The following EVI5 variants were observed in gnomAD, a reference collection of about 807,000 sequenced individuals.
EVI5 encodes the protein ecotropic viral integration site 5 protein homolog.
In EVI5, 73 loss-of-function variants were observed where a neutral mutation model predicts 112.0. The observed-to-expected ratio is 0.65, with a 90% confidence interval of 0.54 to 0.79. EVI5 has a LOEUF of 0.79. Ranked by LOEUF, EVI5 falls within the 30% of genes least tolerant of loss-of-function variation. EVI5 has a pLI of 0.00. For missense variants in EVI5, 900 were observed against 968.8 expected (o/e 0.93, Z 0.94); for synonymous variants, 305 against 319.9 (o/e 0.95, Z 0.50).
rs934927624 is a variant in EVI5 at position 92,778,739 on chromosome 1, T to C, written c.-82+6097A>G. Among the ~76,000 whole-genome samples, 14 of 152,306 alleles carry C rather than the reference T, an allele frequency of 9.2e-5. 1 individual carries two copies. Among genetic ancestry groups the C allele is most frequent in the Admixed American group, 3.9e-4 (6 of 15,290 alleles). The stretch of plus-strand genomic sequence containing the variant: ...AAATACTGGTGCTAATCTTCGGAGA[T>C]AGAAATCAGAATAGTGGTCACCTCT... On this transcript the variant is annotated intron_variant, in intron 1 of 19. Transcript: ENST00000684568.
chr1:92,601,879 T>C (rs1333643439), intron 18 of EVI5, among the ~76,000 whole-genome samples: 1 of 152,224 alleles, frequency 6.6e-6, no homozygotes, highest in Non-Finnish European at 1.5e-5. Flanking sequence ...TACTATTTTG[T>C]GATTAAGATG....
At chr1:92,553,297 A>G (rs1391672312) in intron 19 of EVI5, among the ~76,000 whole-genome samples, 1 of 74,214 alleles carries the variant, frequency 1.3e-5, no homozygotes, top group Non-Finnish European at 2.4e-5. Flanking sequence ...CACCTGGCCA[A>G]TTTTTTTTTT....
chr1:92,762,450 T>C (rs1238340937), intron 1 of EVI5, among the ~76,000 whole-genome samples: 1 of 152,214 alleles, frequency 6.6e-6, no homozygotes, highest in East Asian at 1.9e-4. Flanking sequence ...TTACCCAAGA[T>C]CCCTTAGCTA....
chr1:92,663,975 T>C (rs1019489119), intron 11 of EVI5, among the ~76,000 whole-genome samples: 1 of 152,244 alleles, frequency 6.6e-6, no homozygotes, highest in East Asian at 1.9e-4. Context: ...CTTGAACTCC[T>C]GGCCTTACGC....
intron 19 of EVI5, among the ~76,000 whole-genome samples, chr1:92,535,751 G>T (rs1228094946): frequency 6.6e-6 from 1 of 152,034 alleles, no homozygotes; most frequent in African/African-American, 2.4e-5. Context: ...ACACACCGGG[G>T]CCTGTCGTGG....
At chr1:92,683,249 C>T (rs757739429) in intron 9 of EVI5, among the ~76,000 whole-genome samples, 5 of 152,136 alleles carry the variant, frequency 3.3e-5, no homozygotes, top group African/African-American at 7.2e-5. Flanking sequence ...CTGCAGTCTC[C>T]GCTGATGATA....
intron 12 of EVI5, 100 bp downstream of exon 12, chr1:92,663,320 G>A (rs1308628463): frequency 1.9e-6 from 1 of 524,904 alleles, no homozygotes; most frequent in Non-Finnish European, 3.2e-6. Context: ...AAAAACGCAT[G>A]TAAAATTGCA....
chr1:92,626,531 G>C (rs2101800018), intron 14 of EVI5, among the ~76,000 whole-genome samples: 1 of 152,252 alleles, frequency 6.6e-6, no homozygotes, highest in Non-Finnish European at 1.5e-5. Flanking sequence ...ATGTTCTTAA[G>C]ATATACTTAG....
At chr1:92,555,237 T>A (rs1667501365) in intron 19 of EVI5, among the ~76,000 whole-genome samples, 1 of 152,186 alleles carries the variant, frequency 6.6e-6, no homozygotes, top group Admixed American at 6.5e-5. Context: ...AAGGGAATAA[T>A]TTCTTTTATT....
chr1:92,760,584 A>C (rs1013017632), intron 1 of EVI5, among the ~76,000 whole-genome samples: 3 of 152,016 alleles, frequency 2.0e-5, no homozygotes, highest in Non-Finnish European at 4.4e-5. Context: ...ATACAAAAAA[A>C]TTAGCTGGGT....
intron 1 of EVI5, among the ~76,000 whole-genome samples, chr1:92,774,854 C>G (rs898216213): frequency 2.0e-5 from 3 of 152,092 alleles, no homozygotes; most frequent in Admixed American, 2.0e-4. Flanking sequence ...AAGTAAACAG[C>G]TAAAAATGCA....
In EVI5 at chr1:92,731,517, A is replaced by G. The variant is rs115954500; in HGVS notation, c.149+4881T>C. On this transcript the variant is annotated intron_variant, in intron 2 of 19. Transcript: ENST00000684568. The stretch of plus-strand genomic sequence containing the variant: ...TTAGAGATTTAATGCAATCCCAACC[A>G]AAATTTCAGCAGGCGTTTTTGTAGA... Among the ~76,000 whole-genome samples, 707 of 152,326 alleles carry G rather than the reference A, an allele frequency of 4.6e-3. 3 individuals carry two copies. Among genetic ancestry groups the G allele is most frequent in the African/African-American group, 0.016 (686 of 41,576 alleles).
At position 92,785,052 on chromosome 1, in the gene EVI5, T is replaced by C. The variant is rs867409670; in HGVS notation, c.-298A>G. The C allele has an allele frequency of 4.7e-5, 46 of 985,376 alleles. No homozygotes were observed. The Middle Eastern group carries it at 5.2e-3, about 112-fold the overall frequency. The allele number at this position is 985,376 out of a possible 1,614,324, so 61.0% of individuals were successfully genotyped here. A position where few individuals can be genotyped will look rare whatever the true frequency, so the allele number is the denominator to read the frequency against. On this transcript the variant is annotated 5_prime_UTR_variant, in exon 1 of 20. Transcript: ENST00000684568. Reference sequence around the variant, plus strand: ...CGCTGTCGGAACTGCAGCCAGCCCCTTGCCAGCTGGCCAGCTGGTTCCTCC... The same window carrying C: ...CGCTGTCGGAACTGCAGCCAGCCCCCTGCCAGCTGGCCAGCTGGTTCCTCC...
At chr1:92,637,971 CT>C (rs1469845873) in intron 13 of EVI5, among the ~76,000 whole-genome samples, 2 of 151,998 alleles carry the variant, frequency 1.3e-5, no homozygotes, top group African/African-American at 4.8e-5. Flanking sequence ...AAATACTTAC[CT>C]TTTATCAATT....
At chr1:92,536,006 T>C (rs1663831766) in intron 19 of EVI5, among the ~76,000 whole-genome samples, 1 of 152,126 alleles carries the variant, frequency 6.6e-6, no homozygotes, top group Non-Finnish European at 1.5e-5. Context: ...GTACTAACAA[T>C]ACAAGACCCA....
chr1:92,669,478 G>C (rs559848842), intron 10 of EVI5, among the ~76,000 whole-genome samples: 77 of 137,016 alleles, frequency 5.6e-4, no homozygotes, highest in African/African-American at 1.9e-3. Flanking sequence ...AATCCAGGAG[G>C]TGAAGGTTGC....
intron 14 of EVI5, among the ~76,000 whole-genome samples, chr1:92,631,386 G>A (rs1657064731): frequency 6.6e-6 from 1 of 152,136 alleles, no homozygotes; most frequent in Admixed American, 6.5e-5. Flanking sequence ...TCCTTGAAGA[G>A]GTCCTTCACA....
intron 1 of EVI5, 61 bp from the exon 2 acceptor site, chr1:92,736,688 T>A: frequency 9.4e-7 from 1 of 1,062,326 alleles, no homozygotes; most frequent in Non-Finnish European, 1.5e-6. Context: ...ACCGAGAACT[T>A]AATAATTCTG....
intron 1 of EVI5, among the ~76,000 whole-genome samples, chr1:92,767,791 A>AT (rs1476129697): frequency 6.6e-6 from 1 of 152,192 alleles, no homozygotes; most frequent in Non-Finnish European, 1.5e-5. Flanking sequence ...AAATAAGCAG[A>AT]TTTTTTGGCA....
Sources: allele counts gnomAD v4.1 joint callset (sites outside exome capture counted in the v4.1 genomes callset), GRCh38; gene constraint gnomAD v4.1.1; transcripts MANE v1.5; gene names NCBI Gene and HGNC (gene_info 2026-07-23, HGNC 2026-07-21).